The following HPSE2 variants were observed in gnomAD, a reference collection of about 807,000 sequenced individuals.
HPSE2 encodes inactive heparanase-2.
A neutral mutation model predicts 60.5 loss-of-function variants in HPSE2; 38 were observed. The ratio of observed to expected loss-of-function variants is 0.63; its 90% CI spans 0.48 to 0.82. The LOEUF is 0.82. Among genes scored for constraint, HPSE2 ranks in the 40% least tolerant of loss-of-function variants. HPSE2 has a pLI of 0.00. For synonymous variants in HPSE2, 295 were observed against 293.2 expected, an observed-to-expected ratio of 1.01 and a Z score of -0.06; for missense variants, 713 against 740.4, an observed-to-expected ratio of 0.96 and a Z score of 0.43.
intron 9 of HPSE2, among the ~76,000 whole-genome samples, chr10:98,596,483 T>C (rs1428698337): frequency 2.0e-5 from 3 of 148,858 alleles, no homozygotes; most frequent in Non-Finnish European, 3.0e-5. Context: ...TTTTTTTTTT[T>C]CAGCTTGAAG....
intron 5 of HPSE2, among the ~76,000 whole-genome samples, chr10:98,707,268 A>C (rs1481302873): frequency 6.6e-6 from 1 of 152,222 alleles, no homozygotes; most frequent in African/African-American, 2.4e-5. Context: ...ATATGCCTCA[A>C]ATAACTTGAA....
At chr10:99,088,145 C>T (rs1259978900) in intron 3 of HPSE2, among the ~76,000 whole-genome samples, 2 of 151,952 alleles carry the variant, frequency 1.3e-5, no homozygotes, top group South Asian at 4.2e-4. Context: ...TGACCTGCTC[C>T]CCAAGTACTT....
intron 2 of HPSE2, among the ~76,000 whole-genome samples, chr10:99,168,435 CCAT>C (rs1287779083): frequency 6.6e-6 from 1 of 152,100 alleles, no homozygotes; most frequent in Non-Finnish European, 1.5e-5. Flanking sequence ...GTGAGTTCTC[CCAT>C]TATTTCTATT....
the HPSE2 span, among the ~76,000 whole-genome samples, chr10:99,281,424 T>C: frequency 5.9e-5 from 9 of 151,840 alleles, no homozygotes; most frequent in Non-Finnish European, 1.3e-4. Context: ...ATATTCTGTT[T>C]TCTGTTATAA....
intron 2 of HPSE2, among the ~76,000 whole-genome samples, chr10:99,185,217 T>A (rs2133844410): frequency 6.6e-6 from 1 of 151,774 alleles, no homozygotes; most frequent in Admixed American, 6.6e-5. Flanking sequence ...GGCAGGAGAA[T>A]CACTTGAACC....
intron 2 of HPSE2, among the ~76,000 whole-genome samples, chr10:99,170,126 T>A (rs761155258): frequency 1.3e-5 from 2 of 152,050 alleles, no homozygotes; most frequent in African/African-American, 2.4e-5. Flanking sequence ...TTCACAGATA[T>A]GAAAACTGGG....
intron 3 of HPSE2, among the ~76,000 whole-genome samples, chr10:98,924,087 A>G (rs926946946): frequency 6.6e-6 from 1 of 152,206 alleles, no homozygotes; most frequent in Non-Finnish European, 1.5e-5. Flanking sequence ...TTGGGCCCCA[A>G]GCCCAATAAT....
the HPSE2 span, among the ~76,000 whole-genome samples, chr10:99,278,625 G>A: frequency 6.6e-6 from 1 of 152,122 alleles, no homozygotes; most frequent in South Asian, 2.1e-4. Context: ...CTGTTTATCA[G>A]GATGAAAAAA....
At position 98,848,908 on chromosome 10, in the gene HPSE2, C is replaced by G. The variant is rs145425536; in HGVS notation, c.611-104852G>C. ...TTCTTTACTCTTCCCACTTTTTCATCTCATAAGACATTGTTGAGGGCCAGC... is the reference window on the plus strand; with the variant it reads ...TTCTTTACTCTTCCCACTTTTTCATGTCATAAGACATTGTTGAGGGCCAGC... On this transcript the variant is annotated intron_variant, in intron 3 of 11. Coordinates refer to ENST00000370552, the MANE Select transcript of HPSE2 (RefSeq NM_021828.5). 6.4e-4 allele frequency among the ~76,000 whole-genome samples: 98 copies of G among 152,046 alleles called. No individual in the cohort carries two copies. In the East Asian group the frequency reaches 0.017, roughly 27 times the overall value.
At chr10:98,929,461 T>A (rs1208626255) in intron 3 of HPSE2, among the ~76,000 whole-genome samples, 1 of 143,910 alleles carries the variant, frequency 6.9e-6, no homozygotes, top group African/African-American at 2.8e-5. Context: ...CTGGCCCTAT[T>A]GATCCAGGTT....
At chr10:99,111,840 T>C (rs1844474963) in intron 3 of HPSE2, among the ~76,000 whole-genome samples, 2 of 152,196 alleles carry the variant, frequency 1.3e-5, no homozygotes, top group Admixed American at 1.3e-4. Context: ...TTAATTCCCC[T>C]AGGCCAACTC....
intron 3 of HPSE2, among the ~76,000 whole-genome samples, chr10:98,884,331 G>A (rs1169108992): frequency 1.3e-5 from 2 of 152,166 alleles, no homozygotes; most frequent in African/African-American, 4.8e-5. Flanking sequence ...CAAGGTAATT[G>A]TTGAAGGTGG....
chr10:99,218,218 A>T (rs1009614104), intron 2 of HPSE2, among the ~76,000 whole-genome samples: 4 of 151,266 alleles, frequency 2.6e-5, no homozygotes, highest in South Asian at 4.2e-4. Context: ...ATCTCCAAGG[A>T]CAAGTTTGCC....
At chr10:99,141,868 T>G (rs1352302151) in intron 3 of HPSE2, among the ~76,000 whole-genome samples, 1 of 152,240 alleles carries the variant, frequency 6.6e-6, no homozygotes, top group Non-Finnish European at 1.5e-5. Context: ...TTGAATCACT[T>G]AATTTTTGTT....
intron 3 of HPSE2, among the ~76,000 whole-genome samples, chr10:99,002,864 A>G (rs1392816323): frequency 2.6e-5 from 4 of 152,144 alleles, no homozygotes; most frequent in Admixed American, 1.3e-4. Context: ...TAACATAGGT[A>G]TCACCTCACA....
chr10:99,055,631 T>A (rs1166409457), intron 3 of HPSE2, among the ~76,000 whole-genome samples: 2 of 152,134 alleles, frequency 1.3e-5, no homozygotes, highest in Non-Finnish European at 2.9e-5. Context: ...AAGTATGTTA[T>A]CTTACCACAA....
At chr10:98,534,817 G>C (rs910285121) in intron 9 of HPSE2, among the ~76,000 whole-genome samples, 1 of 152,206 alleles carries the variant, frequency 6.6e-6, no homozygotes, top group Non-Finnish European at 1.5e-5. Flanking sequence ...TATAAACTTG[G>C]AGAGCAATTC....
At chr10:98,468,813 T>C (rs537953539) in intron 11 of HPSE2, among the ~76,000 whole-genome samples, 1 of 152,126 alleles carries the variant, frequency 6.6e-6, no homozygotes, top group Admixed American at 6.5e-5. Context: ...AGAGAGAAAA[T>C]GGGGAAAATA....
chr10:98,655,259 C>G (rs964040678), intron 6 of HPSE2, among the ~76,000 whole-genome samples: 1 of 151,660 alleles, frequency 6.6e-6, no homozygotes, highest in African/African-American at 2.4e-5. Flanking sequence ...ATGCTATGGT[C>G]ATATTTCACA....
Sources: gnomAD v4.1 joint callset for allele counts (sites outside exome capture counted in the v4.1 genomes callset) on GRCh38, gnomAD v4.1.1 for gene constraint, MANE v1.5 for transcripts, NCBI Gene and HGNC (gene_info 2026-07-23, HGNC 2026-07-21) for gene names.